Variants in NCAPG2 observed in about 807,000 individuals in gnomAD.
NCAPG2 encodes the protein condensin-2 complex subunit G2.
NCAPG2 carries 53 observed loss-of-function variants against 141.1 expected under a neutral mutation model. That is an observed-to-expected ratio of 0.38 (90% CI 0.30 to 0.47). NCAPG2 has a LOEUF of 0.47. Among genes scored for constraint, NCAPG2 ranks in the 20% least tolerant of loss-of-function variants. The pLI, the probability that NCAPG2 is intolerant of heterozygous loss-of-function variation, is 0.99. For synonymous variants in NCAPG2, 499 were observed against 490.7 expected (o/e 1.02, Z -0.22); for missense variants, 1,087 against 1,389.0 (o/e 0.78, Z 3.46).
intron 16 of NCAPG2, among the ~76,000 whole-genome samples, chr7:158,661,389 C>T (rs899948556): frequency 6.6e-6 from 1 of 152,050 alleles, no homozygotes; most frequent in Non-Finnish European, 1.5e-5. Context: ...ATATAAACTT[C>T]CTTCAGAAGT....
chr7:158,651,178 C>T (rs535551655), intron 23 of NCAPG2, among the ~76,000 whole-genome samples: 33 of 152,246 alleles, frequency 2.2e-4, no homozygotes, highest in African/African-American at 6.7e-4. Flanking sequence ...AGATGATAGA[C>T]GGGACCAAAG....
At chr7:158,637,105 G>GCA (rs1587043938) in intron 27 of NCAPG2, among the ~76,000 whole-genome samples, 4 of 151,982 alleles carry the variant, frequency 2.6e-5, no homozygotes, top group Admixed American at 2.0e-4. Flanking sequence ...CCGCCACCAT[G>GCA]CCCGGCTAAT....
rs757231274 is a variant in NCAPG2, at chr7:158,631,644, A to G, written c.*22T>C. ...TTGAATCACTTTTCCCTATTTTTAC[A>G]TGTCTGGAGATGTTGGCTTGGTTAT... is the stretch of plus-strand genomic sequence containing the variant. On this transcript the variant is annotated 3_prime_UTR_variant, in exon 28 of 28. Transcript: ENST00000356309. 1.3e-6 allele frequency: 2 copies of G among 1,554,380 alleles called. No homozygotes were observed. Among genetic ancestry groups the G allele is most frequent in the Admixed American group, 1.7e-5 (1 of 59,226 alleles).
intron 24 of NCAPG2, among the ~76,000 whole-genome samples, chr7:158,649,026 G>T (rs1288344930): frequency 6.6e-6 from 1 of 152,234 alleles, no homozygotes; most frequent in Non-Finnish European, 1.5e-5. Context: ...GATTTTTTAA[G>T]CCCTACCCAT....
rs543710603 is a variant in NCAPG2 at position 158,653,913 on chromosome 7, G to C, written c.2746+682C>G. Among the ~76,000 whole-genome samples, 54 of 152,206 alleles carry C rather than the reference G, an allele frequency of 3.5e-4. 1 individual carries two copies. Among genetic ancestry groups the C allele is most frequent in the East Asian group, 1.5e-3 (8 of 5,186 alleles). On this transcript the variant is annotated intron_variant, in intron 22 of 27. Transcript: ENST00000356309. ...TCAGCTACACCACAGAAGCGGCTGAGGGGGAGGCTGGCCGTTAGGGGTTAG... is the reference window on the plus strand; with the variant it reads ...TCAGCTACACCACAGAAGCGGCTGACGGGGAGGCTGGCCGTTAGGGGTTAG...
intron 12 of NCAPG2, among the ~76,000 whole-genome samples, chr7:158,674,690 G>A (rs374743451): frequency 6.6e-6 from 1 of 152,378 alleles, no homozygotes; most frequent in East Asian, 1.9e-4. Flanking sequence ...TGAGGCCCAA[G>A]AGCTGCTCTG....
chr7:158,678,490 T>G (rs1240109426), intron 11 of NCAPG2, among the ~76,000 whole-genome samples: 1 of 152,144 alleles, frequency 6.6e-6, no homozygotes, highest in Non-Finnish European at 1.5e-5. Context: ...AAAATTTTGT[T>G]GTCCACAAAA....
At chr7:158,654,802 A>G in intron 21 of NCAPG2, 108 bp from the exon 22 acceptor site, 1 of 1,442,628 alleles carries the variant, frequency 6.9e-7, no homozygotes, top group East Asian at 2.5e-5. Flanking sequence ...TATAAAGCAG[A>G]TTTTTATAAA....
chr7:158,668,704 T>C (rs1049732705), intron 13 of NCAPG2, among the ~76,000 whole-genome samples: 7 of 152,222 alleles, frequency 4.6e-5, no homozygotes, highest in Non-Finnish European at 1.0e-4. Flanking sequence ...AAAGTAAAAA[T>C]ATTCACAAAA....
intron 2 of NCAPG2, 99 bp from the exon 3 acceptor site, chr7:158,693,596 A>G: frequency 1.9e-6 from 2 of 1,069,626 alleles, no homozygotes; most frequent in South Asian, 1.7e-5. Context: ...TAACTTCATT[A>G]CAAGTTCAAG....
At chr7:158,631,757 G>T in intron 27 of NCAPG2, 40 bp from the exon 28 acceptor site, 2 of 1,467,580 alleles carry the variant, frequency 1.4e-6, no homozygotes, top group Non-Finnish European at 1.9e-6. Context: ...ACAGAAAAAA[G>T]TGACCAAATT....
intron 8 of NCAPG2, among the ~76,000 whole-genome samples, chr7:158,685,635 TAGGGACTG>T (rs1419545173): frequency 6.6e-6 from 1 of 152,196 alleles, no homozygotes; most frequent in Non-Finnish European, 1.5e-5. Context: ...ACTATATGTG[TAGGGACTG>T]ATGACAAGGA....
chr7:158,667,447 A>C (rs1247119932), intron 13 of NCAPG2, among the ~76,000 whole-genome samples: 11 of 100,216 alleles, frequency 1.1e-4, no homozygotes, highest in East Asian at 2.9e-4. Context: ...CTTACCCACT[A>C]CTGGGTCCCT....
At chr7:158,656,228 G>A in intron 19 of NCAPG2, 32 bp downstream of exon 19, 1 of 1,606,172 alleles carries the variant, frequency 6.2e-7, no homozygotes, top group African/African-American at 1.3e-5. Context: ...ACAATCATAG[G>A]AAACCACTCA....
At chr7:158,701,278 T>C (rs1249471309) in intron 2 of NCAPG2, among the ~76,000 whole-genome samples, 2 of 152,228 alleles carry the variant, frequency 1.3e-5, no homozygotes, top group African/African-American at 4.8e-5. Context: ...GCCTTAAATA[T>C]GTCCCTTTGA....
At chr7:158,664,030 C>G (rs1250100549) in intron 15 of NCAPG2, among the ~76,000 whole-genome samples, 154 bp downstream of exon 15, 1 of 152,238 alleles carries the variant, frequency 6.6e-6, no homozygotes, top group African/African-American at 2.4e-5. Flanking sequence ...TATAGCAATT[C>G]TTTCACAAAT....
At chr7:158,646,218 C>T (rs1587081486) in intron 25 of NCAPG2, among the ~76,000 whole-genome samples, 1 of 152,144 alleles carries the variant, frequency 6.6e-6, no homozygotes, top group Non-Finnish European at 1.5e-5. Flanking sequence ...TTATGAGAAG[C>T]ATAACTAACC....
intron 27 of NCAPG2, among the ~76,000 whole-genome samples, chr7:158,642,831 TAGTTCTCTGAAAATATC>T (rs1387915039): frequency 2.6e-5 from 4 of 152,110 alleles, no homozygotes; most frequent in Non-Finnish European, 4.4e-5. Flanking sequence ...AACCAAAAGC[TAGTTCTCTGAAAATATC>T]AGTAAAAATT....
intron 15 of NCAPG2, among the ~76,000 whole-genome samples, chr7:158,663,222 GA>G (rs569629291): frequency 1.0e-3 from 156 of 152,292 alleles, no homozygotes; most frequent in Non-Finnish European, 1.7e-3. Flanking sequence ...CCTGAGAGAA[GA>G]AACTCAAACT....
Sources: gnomAD v4.1 joint callset for allele counts (sites outside exome capture counted in the v4.1 genomes callset) on GRCh38, gnomAD v4.1.1 for gene constraint, MANE v1.5 for transcripts, NCBI Gene and HGNC (gene_info 2026-07-23, HGNC 2026-07-21) for gene names.